RIMKLB: variants seen among roughly 807,000 people sequenced by gnomAD.
The protein encoded by RIMKLB is ribosomal modification protein rimK like family member B.
A neutral mutation model predicts 32.0 loss-of-function variants in RIMKLB; 7 were observed. The ratio of observed to expected loss-of-function variants is 0.22; its 90% CI spans 0.12 to 0.41. RIMKLB has a LOEUF of 0.41. Among genes scored for constraint, RIMKLB ranks in the 10% least tolerant of loss-of-function variants. The pLI, the probability that RIMKLB is intolerant of heterozygous loss-of-function variation, is 1.00. For missense variants in RIMKLB, 289 were observed against 498.7 expected (o/e 0.58, Z 4.00); for synonymous variants, 172 against 185.1 (o/e 0.93, Z 0.57).
chr12:8,670,026 C>CAAAAAAAAAA, the RIMKLB span, among the ~76,000 whole-genome samples: 12 of 36,932 alleles, frequency 3.2e-4, no homozygotes, highest in African/African-American at 1.3e-3. Flanking sequence ...GACTCCGTCT[C>CAAAAAAAAAA]AAAAAAAAAA....
chr12:8,709,098 T>C (rs1944145769), intron 1 of RIMKLB, among the ~76,000 whole-genome samples: 1 of 152,246 alleles, frequency 6.6e-6, no homozygotes, highest in Admixed American at 6.5e-5. Context: ...TATGTTTCGC[T>C]ACTGGAGAAT....
chr12:8,768,052 G>A (rs1452532476), intron 5 of RIMKLB, among the ~76,000 whole-genome samples: 1 of 152,150 alleles, frequency 6.6e-6, no homozygotes, highest in Non-Finnish European at 1.5e-5. Context: ...CTCTGACCTG[G>A]GGTTCTTGGC....
chr12:8,704,634 C>T (rs1472330170), intron 1 of RIMKLB, among the ~76,000 whole-genome samples: 1 of 152,150 alleles, frequency 6.6e-6, no homozygotes, highest in Admixed American at 6.5e-5. Flanking sequence ...GTTAGCACGT[C>T]TGTTAAGTGT....
intron 7 of RIMKLB, among the ~76,000 whole-genome samples, chr12:8,782,443 A>AATAAGTCACAAAACTTGC: frequency 1.3e-5 from 2 of 152,308 alleles, no homozygotes; most frequent in South Asian, 4.1e-4. Context: ...AGCTGTCTAA[A>AATAAGTCACAAAACTTGC]ATAAGTCACA....
intron 5 of RIMKLB, among the ~76,000 whole-genome samples, chr12:8,757,226 TAA>T (rs1450395338): frequency 2.6e-5 from 4 of 152,072 alleles, no homozygotes; most frequent in East Asian, 1.9e-4. Context: ...CTTTTTTCAT[TAA>T]GTTTGTTTTG....
Position 8,742,049 on chromosome 12 carries a change from C to T in RIMKLB, c.176-7813C>T, listed in dbSNP as rs1050980517. ...CCAAGTAGCTGGGATTACAGGCATG[C>T]GCCACCATGCCCACCTAATTTTGTA... On this transcript the variant is annotated intron_variant, in intron 2 of 5. Coordinates refer to ENST00000535829, the MANE Select transcript of RIMKLB (RefSeq NM_001297776.2). 5.3e-5 allele frequency among the ~76,000 whole-genome samples: 8 copies of T among 151,202 alleles called. 1 individual carries two copies. Among genetic ancestry groups the T allele is most frequent in the African/African-American group, 2.0e-4 (8 of 40,770 alleles).
rs1950728369 is a variant in RIMKLB at position 8,776,391 on chromosome 12, GAAAC to G, written c.*2613_*2616del. 7 of 980,508 alleles carry G rather than the reference GAAAC, an allele frequency of 7.1e-6. No individual in the cohort carries two copies. The highest frequency in any genetic ancestry group is 1.8e-5 in the African/African-American group (1 of 57,108). 60.7% of individuals were successfully genotyped at this position (980,508 alleles called of 1,614,324 possible). On this transcript the variant is annotated 3_prime_UTR_variant, in exon 6 of 6. Coordinates refer to ENST00000535829, the MANE Select transcript of RIMKLB (RefSeq NM_001297776.2). ...CAAATCATTCTGGAAGTACCTTAAG[GAAAC>G]AAACAGCAGCAGATATTTAGGTTAA...
At chr12:8,708,878 ACT>A (rs1393428329) in intron 1 of RIMKLB, among the ~76,000 whole-genome samples, 3 of 152,020 alleles carry the variant, frequency 2.0e-5, no homozygotes, top group Non-Finnish European at 2.9e-5. Context: ...TCAAAAATAA[ACT>A]CTCTTTGTAG....
chr12:8,673,831 A>G, the RIMKLB span, among the ~76,000 whole-genome samples: 4,119 of 152,120 alleles, frequency 0.027, 213 homozygotes, highest in African/African-American at 0.094. Context: ...TCCTGACCTC[A>G]GGTGATCCGC....
At position 8,774,939 on chromosome 12, in the gene RIMKLB, AAAGG is replaced by A. The variant is rs751398437; in HGVS notation, c.*1157_*1160del. 94 of 985,738 alleles carry A rather than the reference AAAGG, an allele frequency of 9.5e-5. No individual in the cohort carries two copies. The highest frequency in any genetic ancestry group is 1.0e-4 in the Non-Finnish European group (84 of 829,926). 61.1% of individuals were successfully genotyped at this position (985,738 alleles called of 1,614,324 possible). A position where few individuals can be genotyped will look rare whatever the true frequency, so the allele number is the denominator to read the frequency against. On this transcript the variant is annotated 3_prime_UTR_variant, in exon 6 of 6. Transcript: ENST00000535829. ...CTTTTTGTTTCCATCAACTAATCAA[AAAGG>A]ATAATTTAGAAAATGGAGCATGATG...
chr12:8,777,215 CTTTTTTTTTTTTTTT>C (rs35828763), downstream of RIMKLB: 79 of 703,904 alleles, frequency 1.1e-4, no homozygotes, highest in Admixed American at 3.6e-4. Context: ...TGCTTGCTTT[CTTTTTTTTTTTTTTT>C]TTTTTTTTTT....
rs1372952544 is a variant in RIMKLB, at chr12:8,713,791, A to G, written c.-56-20A>G. On this transcript the variant is annotated intron_variant, in intron 1 of 5. Transcript: ENST00000535829. Reference sequence around the variant, plus strand: ...AGATTTCTTGATTTACCTTTTATGTATATTTTTTCTTCCATCTAGGTAGAC... The same window carrying G: ...AGATTTCTTGATTTACCTTTTATGTGTATTTTTTCTTCCATCTAGGTAGAC... 15 of 1,381,724 alleles carry G rather than the reference A, an allele frequency of 1.1e-5. No homozygotes were observed. The highest frequency in any genetic ancestry group is 1.5e-5 in the Non-Finnish European group (15 of 970,404). The allele number at this position is 1,381,724 out of a possible 1,614,324, so 85.6% of individuals were successfully genotyped here.
intron 1 of RIMKLB, among the ~76,000 whole-genome samples, chr12:8,684,777 C>T (rs749974480): frequency 1.2e-4 from 18 of 152,234 alleles, no homozygotes; most frequent in South Asian, 1.0e-3. Context: ...CATGCCACCA[C>T]GCCCAGCTAG....
chr12:8,697,313 C>T (rs940272742), upstream of RIMKLB: 2 of 152,238 alleles, frequency 1.3e-5, no homozygotes, highest in African/African-American at 2.4e-5. Context: ...TTACTCCAGT[C>T]CCGGATAAAG....
At chr12:8,777,234 T>C, downstream of RIMKLB, 1 of 973,238 alleles carries the variant, frequency 1.0e-6, no homozygotes, top group Non-Finnish European at 1.2e-6. Context: ...TTTTTTTTTT[T>C]TTTTTTCTTC....
At position 8,774,693 on chromosome 12, in the gene RIMKLB, A is replaced by G. The variant is rs1950625060; in HGVS notation, c.*909A>G. On this transcript the variant is annotated 3_prime_UTR_variant, in exon 6 of 6. Transcript: ENST00000535829. ...TGTTAACAAGACACTGACTTGAAAC[A>G]TGTACATTTAAAGCCTTTTATTTTT... 5.1e-6 allele frequency: 5 copies of G among 985,664 alleles called. No homozygotes were observed. Among genetic ancestry groups the G allele is most frequent in the Non-Finnish European group, 6.0e-6 (5 of 829,892 alleles). 61.1% of individuals were successfully genotyped at this position (985,664 alleles called of 1,614,324 possible). A position where few individuals can be genotyped will look rare whatever the true frequency, so the allele number is the denominator to read the frequency against.
In RIMKLB at chr12:8,775,262, A is replaced by G. The variant is rs1406441149; in HGVS notation, c.*1478A>G. On this transcript the variant is annotated 3_prime_UTR_variant, in exon 6 of 6. Coordinates refer to ENST00000535829, the MANE Select transcript of RIMKLB (RefSeq NM_001297776.2). ...TTTGTTTGGGGACTTATTTAGTAGTATTGAGTCTCTTATAGCCCTACTCTT... is the reference window on the plus strand; with the variant it reads ...TTTGTTTGGGGACTTATTTAGTAGTGTTGAGTCTCTTATAGCCCTACTCTT... The G allele has an allele frequency of 1.0e-6, 1 of 985,492 alleles. No homozygotes were observed. The highest frequency in any genetic ancestry group is 1.2e-6 in the Non-Finnish European group (1 of 829,796). 61.0% of individuals were successfully genotyped at this position (985,492 alleles called of 1,614,324 possible).
chr12:8,778,673 T>A (rs189131315), downstream of RIMKLB, among the ~76,000 whole-genome samples: 19 of 152,364 alleles, frequency 1.2e-4, no homozygotes, highest in East Asian at 3.7e-3. Flanking sequence ...TACCCATTCT[T>A]CCTTTCTCCT....
rs1950705647 is a variant in RIMKLB, at chr12:8,776,023, A to G, written c.*2239A>G. ...GAGGAAGAAAGAACTGCTTAATTAA[A>G]TTATCATTCATATGTTCATATAGAG... is the stretch of plus-strand genomic sequence containing the variant. On this transcript the variant is annotated 3_prime_UTR_variant, in exon 6 of 6. Transcript: ENST00000535829. 1.0e-6 allele frequency: 1 copy of G among 984,178 alleles called. No homozygotes were observed. Among genetic ancestry groups the G allele is most frequent in the Non-Finnish European group, 1.2e-6 (1 of 828,926 alleles). 61.0% of individuals were successfully genotyped at this position (984,178 alleles called of 1,614,324 possible).
Sources: allele counts gnomAD v4.1 joint callset (sites outside exome capture counted in the v4.1 genomes callset), GRCh38; gene constraint gnomAD v4.1.1; transcripts MANE v1.5; gene names NCBI Gene and HGNC (gene_info 2026-07-23, HGNC 2026-07-21).